Variants in GRIA1 observed in about 807,000 individuals in gnomAD.
The protein encoded by GRIA1 is glutamate receptor 1.
A neutral mutation model predicts 99.2 loss-of-function variants in GRIA1; 31 were observed. The observed-to-expected ratio is 0.31, with a 90% CI of 0.23 to 0.42. The LOEUF is 0.42. GRIA1 is among the 10% of genes least tolerant of loss of function. GRIA1 has a pLI of 1.00. For missense variants in GRIA1, 782 were observed against 1,157.5 expected (o/e 0.68, Z 4.71); for synonymous variants, 438 against 432.4 (o/e 1.01, Z -0.16).
chr5:153,644,530 C>T (rs776665656), intron 2 of GRIA1, among the ~76,000 whole-genome samples: 1 of 152,180 alleles, frequency 6.6e-6, no homozygotes, highest in Non-Finnish European at 1.5e-5. Context: ...ATGTCCCAGA[C>T]ACTCTGCTGG....
intron 2 of GRIA1, among the ~76,000 whole-genome samples, chr5:153,583,838 C>T (rs1459786942): frequency 6.6e-6 from 1 of 152,174 alleles, no homozygotes; most frequent in African/African-American, 2.4e-5. Context: ...GGGAAAGGGA[C>T]AAGCTCAGAG....
intron 2 of GRIA1, among the ~76,000 whole-genome samples, chr5:153,560,841 A>C (rs891245461): frequency 6.6e-6 from 1 of 152,186 alleles, no homozygotes; most frequent in African/African-American, 2.4e-5. Context: ...AGTTTTGGAG[A>C]AGCCTCCTTG....
intron 2 of GRIA1, among the ~76,000 whole-genome samples, chr5:153,498,910 G>A (rs964463776): frequency 2.0e-5 from 3 of 152,174 alleles, no homozygotes; most frequent in Admixed American, 6.5e-5. Context: ...GGGCAGGCCT[G>A]TAAGTAGGCC....
At chr5:153,582,790 C>T (rs1421577018) in intron 2 of GRIA1, among the ~76,000 whole-genome samples, 4 of 151,944 alleles carry the variant, frequency 2.6e-5, no homozygotes, top group African/African-American at 9.7e-5. Context: ...CTTCCCCTGA[C>T]TTTTATTTGT....
At chr5:153,692,216 A>C (rs1238289663) in intron 8 of GRIA1, among the ~76,000 whole-genome samples, 6 of 152,164 alleles carry the variant, frequency 3.9e-5, no homozygotes, top group African/African-American at 1.4e-4. Context: ...AAGCACTTTT[A>C]AAGTCACTCC....
chr5:153,575,048 A>C (rs1478814698), intron 2 of GRIA1, among the ~76,000 whole-genome samples: 1 of 152,214 alleles, frequency 6.6e-6, no homozygotes, highest in African/African-American at 2.4e-5. Flanking sequence ...CACTAATTCA[A>C]ATTAAATGGA....
intron 2 of GRIA1, chr5:153,525,043 G>C (rs1477115521): frequency 6.6e-6 from 1 of 152,192 alleles, no homozygotes; most frequent in Non-Finnish European, 1.5e-5. Flanking sequence ...ACTTAACTGA[G>C]GTACAGCCCA....
At chr5:153,688,194 G>A (rs1757472206) in intron 8 of GRIA1, among the ~76,000 whole-genome samples, 1 of 152,126 alleles carries the variant, frequency 6.6e-6, no homozygotes, top group African/African-American at 2.4e-5. Context: ...TCAGGAATCA[G>A]CTACAGTAAC....
chr5:153,690,395 C>T (rs1757658332), intron 8 of GRIA1, among the ~76,000 whole-genome samples: 1 of 152,140 alleles, frequency 6.6e-6, no homozygotes, highest in Non-Finnish European at 1.5e-5. Flanking sequence ...GGCACATGAC[C>T]TTGAACACAT....
At chr5:153,737,357 G>A (rs1160596733) in intron 11 of GRIA1, among the ~76,000 whole-genome samples, 4 of 149,586 alleles carry the variant, frequency 2.7e-5, no homozygotes, top group South Asian at 4.2e-4. Context: ...TTTGGAGCTC[G>A]GAAAGATTAC....
At chr5:153,495,229 T>C (rs1378169483) in intron 2 of GRIA1, among the ~76,000 whole-genome samples, 1 of 152,256 alleles carries the variant, frequency 6.6e-6, no homozygotes, top group Non-Finnish European at 1.5e-5. Flanking sequence ...TCATTTATAG[T>C]CACATTCATT....
intron 11 of GRIA1, among the ~76,000 whole-genome samples, chr5:153,732,775 C>T (rs1257952028): frequency 6.6e-6 from 1 of 151,906 alleles, no homozygotes; most frequent in South Asian, 2.1e-4. Flanking sequence ...GTTTTGATGC[C>T]ATATTCAAAA....
chr5:153,787,941 G>C (rs758396451), intron 13 of GRIA1, among the ~76,000 whole-genome samples: 1 of 152,076 alleles, frequency 6.6e-6, no homozygotes, highest in Non-Finnish European at 1.5e-5. Context: ...TTAGCCAGGC[G>C]TGGTGGCAGG....
chr5:153,610,854 T>C (rs917657465), intron 2 of GRIA1, among the ~76,000 whole-genome samples: 1 of 152,224 alleles, frequency 6.6e-6, no homozygotes, highest in Non-Finnish European at 1.5e-5. Context: ...AATTTTGTTT[T>C]AGTATTATAA....
chr5:153,803,220 A>G (rs1766175752), intron 15 of GRIA1, among the ~76,000 whole-genome samples: 1 of 152,366 alleles, frequency 6.6e-6, no homozygotes, highest in East Asian at 1.9e-4. Flanking sequence ...AAAGGCTAGA[A>G]TATCCCAAAA....
At chr5:153,544,156 T>C (rs1305554092) in intron 2 of GRIA1, among the ~76,000 whole-genome samples, 1 of 152,194 alleles carries the variant, frequency 6.6e-6, no homozygotes, top group Non-Finnish European at 1.5e-5. Flanking sequence ...ATAAGAATGC[T>C]AGGAATGGGA....
chr5:153,674,446 A>T, intron 5 of GRIA1, 54 bp from the exon 6 acceptor site: 1 of 1,599,802 alleles, frequency 6.3e-7, no homozygotes, highest in Non-Finnish European at 8.6e-7. Flanking sequence ...GAACAGGTTA[A>T]GTTGATTTAT....
At chr5:153,552,996 C>T (rs1760290331) in intron 2 of GRIA1, among the ~76,000 whole-genome samples, 1 of 152,108 alleles carries the variant, frequency 6.6e-6, no homozygotes, top group African/African-American at 2.4e-5. Flanking sequence ...AACTCTTGGC[C>T]TCAAGCAATA....
chr5:153,686,717 C>A (rs575858814), intron 8 of GRIA1, among the ~76,000 whole-genome samples: 1 of 152,116 alleles, frequency 6.6e-6, no homozygotes, highest in Non-Finnish European at 1.5e-5. Flanking sequence ...CTATCTCTTC[C>A]TAATCGATAG....
Sources: gnomAD v4.1 joint callset for allele counts (sites outside exome capture counted in the v4.1 genomes callset) on GRCh38, gnomAD v4.1.1 for gene constraint, MANE v1.5 for transcripts, NCBI Gene and HGNC (gene_info 2026-07-23, HGNC 2026-07-21) for gene names.